NLGN1: variants seen among roughly 807,000 people sequenced by gnomAD.
NLGN1 encodes neuroligin-1.
Under a neutral mutation model 65.5 loss-of-function variants are expected in NLGN1, and 12 were observed. The ratio of observed to expected loss-of-function variants is 0.18; its 90% confidence interval spans 0.12 to 0.30. NLGN1 has a LOEUF of 0.30. Among genes scored for constraint, NLGN1 ranks in the 10% least tolerant of loss-of-function variants. The pLI, the probability that NLGN1 is intolerant of heterozygous loss-of-function variation, is 1.00. For synonymous variants in NLGN1, 350 were observed against 359.5 expected (o/e 0.97, Z 0.30); for missense variants, 750 against 1,007.1 (o/e 0.74, Z 3.46).
At chr3:174,171,116 T>A (rs545674011) in intron 4 of NLGN1, among the ~76,000 whole-genome samples, 1 of 152,310 alleles carries the variant, frequency 6.6e-6, no homozygotes, top group South Asian at 2.1e-4. Flanking sequence ...TTTTTCTTTT[T>A]AAGAAATCAG....
At chr3:173,987,113 A>T (rs980666238) in intron 4 of NLGN1, among the ~76,000 whole-genome samples, 3 of 152,208 alleles carry the variant, frequency 2.0e-5, no homozygotes, top group Non-Finnish European at 4.4e-5. Context: ...TTTAAAGTGG[A>T]TGTTAGAAAC....
Position 173,423,378 on chromosome 3 carries a change from C to A in NLGN1, c.-389-11632C>A, listed in dbSNP as rs112794715. Reference sequence around the variant, plus strand: ...AGTCCCCCAAAGACTTAACTCATTCCGGCATTAACTCAAAAGTCCAAGTCC... The same window carrying A: ...AGTCCCCCAAAGACTTAACTCATTCAGGCATTAACTCAAAAGTCCAAGTCC... On this transcript the variant is annotated intron_variant, in intron 1 of 6. Transcript: ENST00000457714. Among the ~76,000 whole-genome samples the A allele has an allele frequency of 5.3e-5, 8 of 152,176 alleles. No homozygotes were observed. The South Asian group carries it at 1.7e-3, about 32-fold the overall frequency.
At chr3:173,831,383 A>G (rs1342828242) in intron 4 of NLGN1, among the ~76,000 whole-genome samples, 1 of 152,218 alleles carries the variant, frequency 6.6e-6, no homozygotes, top group African/African-American at 2.4e-5. Flanking sequence ...TCAAAGTGCA[A>G]GTTTTGGATG....
chr3:173,442,241 T>C (rs1429370371), intron 2 of NLGN1, among the ~76,000 whole-genome samples: 2 of 152,172 alleles, frequency 1.3e-5, no homozygotes, highest in African/African-American at 4.8e-5. Context: ...TTATTGAAAA[T>C]CTTAATGCTA....
At chr3:174,185,368 A>C (rs1731199625) in intron 4 of NLGN1, among the ~76,000 whole-genome samples, 1 of 152,190 alleles carries the variant, frequency 6.6e-6, no homozygotes. Context: ...TGCACTGTCC[A>C]AAACAAGATC....
intron 3 of NLGN1, among the ~76,000 whole-genome samples, chr3:173,708,516 G>C (rs1768412927): frequency 6.6e-6 from 1 of 152,194 alleles, no homozygotes; most frequent in Non-Finnish European, 1.5e-5. Flanking sequence ...CAGAGGAAAA[G>C]ACCAGGAGAG....
intron 3 of NLGN1, among the ~76,000 whole-genome samples, chr3:173,727,235 A>G (rs1271875654): frequency 2.0e-5 from 3 of 152,098 alleles, no homozygotes; most frequent in Non-Finnish European, 4.4e-5. Context: ...TAAGTATTTC[A>G]TGGGATCAGT....
intron 4 of NLGN1, among the ~76,000 whole-genome samples, chr3:173,844,183 CG>C (rs1218511648): frequency 1.3e-5 from 2 of 152,142 alleles, no homozygotes; most frequent in African/African-American, 4.8e-5. Flanking sequence ...TAACCTCCCA[CG>C]GGGTCCCTCC....
intron 2 of NLGN1, among the ~76,000 whole-genome samples, chr3:173,557,758 A>T (rs1455479637): frequency 6.6e-6 from 1 of 152,106 alleles, no homozygotes; most frequent in Non-Finnish European, 1.5e-5. Context: ...TAACCCCATG[A>T]TGCTTTGTTA....
intron 4 of NLGN1, among the ~76,000 whole-genome samples, chr3:173,811,133 A>T (rs965817086): frequency 7.9e-5 from 12 of 152,240 alleles, no homozygotes; most frequent in African/African-American, 2.9e-4. Flanking sequence ...CAGTTTTGAC[A>T]TAAACTTTCC....
chr3:174,108,124 G>C (rs1443253981), intron 4 of NLGN1, among the ~76,000 whole-genome samples: 1 of 151,920 alleles, frequency 6.6e-6, no homozygotes, highest in East Asian at 1.9e-4. Context: ...CTTTCACAGA[G>C]CAATTTTTTA....
intron 3 of NLGN1, among the ~76,000 whole-genome samples, chr3:173,666,194 A>C (rs1228765899): frequency 6.6e-6 from 1 of 151,516 alleles, no homozygotes; most frequent in Admixed American, 6.6e-5. Flanking sequence ...TGTAGTAAAT[A>C]TATATATATA....
At chr3:173,402,156 T>G (rs2148609092) in intron 1 of NLGN1, among the ~76,000 whole-genome samples, 1 of 152,236 alleles carries the variant, frequency 6.6e-6, no homozygotes, top group Admixed American at 6.5e-5. Context: ...ATGCAGTAGG[T>G]AAAATAATGG....
At chr3:173,785,936 A>G (rs1476164639) in intron 3 of NLGN1, among the ~76,000 whole-genome samples, 3 of 152,032 alleles carry the variant, frequency 2.0e-5, no homozygotes, top group Non-Finnish European at 4.4e-5. Flanking sequence ...TTTTCATTTT[A>G]CTCCCCAGTG....
chr3:173,539,691 TACATATGCACATATATAC>T (rs1560406595), intron 2 of NLGN1, among the ~76,000 whole-genome samples: 1 of 138,412 alleles, frequency 7.2e-6, no homozygotes, highest in East Asian at 2.0e-4. Flanking sequence ...TACATATATG[TACATATGCACATATATAC>T]ATATATGTAC....
chr3:173,772,918 G>A (rs962776506), intron 3 of NLGN1, among the ~76,000 whole-genome samples: 2 of 152,124 alleles, frequency 1.3e-5, no homozygotes, highest in African/African-American at 2.4e-5. Context: ...GCATCCAAAG[G>A]CATCACCCCA....
chr3:173,883,814 CTTTTTTTTTTT>C (rs74363696), intron 4 of NLGN1, among the ~76,000 whole-genome samples: 1 of 96,476 alleles, frequency 1.0e-5, no homozygotes, highest in South Asian at 3.2e-4. Flanking sequence ...GGGAAACTTT[CTTTTTTTTTTT>C]TTTTTTTTTT....
intron 2 of NLGN1, among the ~76,000 whole-genome samples, chr3:173,530,789 C>T (rs1736437227): frequency 6.6e-6 from 1 of 152,052 alleles, no homozygotes; most frequent in African/African-American, 2.4e-5. Context: ...TAATTACTTT[C>T]TAGGCTCTTT....
chr3:173,758,193 C>T (rs1257888548), intron 3 of NLGN1, among the ~76,000 whole-genome samples: 1 of 151,980 alleles, frequency 6.6e-6, no homozygotes, highest in African/African-American at 2.4e-5. Flanking sequence ...TGCCTGTCTG[C>T]AAGGCAGGAG....
Sources: allele counts gnomAD v4.1 joint callset (sites outside exome capture counted in the v4.1 genomes callset), GRCh38; gene constraint gnomAD v4.1.1; transcripts MANE v1.5; gene names NCBI Gene and HGNC (gene_info 2026-07-23, HGNC 2026-07-21).